NBPF15: variants seen among roughly 807,000 people sequenced by gnomAD.
NBPF15 encodes NBPF family member NBPF15.
A neutral mutation model predicts 62.2 loss-of-function variants in NBPF15; 74 were observed. The observed-to-expected ratio is 1.19, with a 90% CI of 0.99 to 1.44. The LOEUF is 1.44. Ranked by LOEUF, NBPF15 falls within the 40% of genes most tolerant of loss-of-function variation. NBPF15 has a pLI of 0.00. For missense variants in NBPF15, 790 were observed against 550.0 expected, an observed-to-expected ratio of 1.44 and a Z score of -4.36; for synonymous variants, 244 against 209.7, an observed-to-expected ratio of 1.16 and a Z score of -1.41.
chr1:144,430,103 G>A, intron 13 of NBPF15, among the ~76,000 whole-genome samples: 1 of 150,998 alleles, frequency 6.6e-6, no homozygotes, highest in Non-Finnish European at 1.5e-5. Context: ...GCCAACTCAG[G>A]GCACCCAGAC....
In NBPF15 at chr1:144,430,797, G is replaced by A. The variant is rs587732922; in HGVS notation, c.825-934C>T. ...TTCTCTGAGCTAAAGGAGGATGTGC[G>A]AACTCATCTCAAGGAAGCTAAAAAC... On this transcript the variant is annotated intron_variant, in intron 13 of 21. Transcript: ENST00000581897. Among the ~76,000 whole-genome samples, 161 of 145,396 alleles carry A rather than the reference G, an allele frequency of 1.1e-3. 1 individual carries two copies. The highest frequency in any genetic ancestry group is 4.0e-3 in the African/African-American group (152 of 37,870).
chr1:144,445,354 T>TACACAC (rs57409765), intron 6 of NBPF15, among the ~76,000 whole-genome samples: 5 of 104,478 alleles, frequency 4.8e-5, no homozygotes, highest in East Asian at 2.5e-4. Flanking sequence ...TATATATATA[T>TACACAC]ACACACACAC....
intron 13 of NBPF15, among the ~76,000 whole-genome samples, chr1:144,433,033 A>G (rs1368392987): frequency 5.9e-5 from 9 of 151,956 alleles, no homozygotes; most frequent in Admixed American, 3.3e-4. Context: ...CACTTATTCC[A>G]AAATTGACCA....
At chr1:144,461,333 G>A (rs1467919477) in intron 1 of NBPF15, 48 bp downstream of exon 1, 5 of 149,646 alleles carry the variant, frequency 3.3e-5, no homozygotes, top group Admixed American at 1.3e-4. Flanking sequence ...CAAAACTTGC[G>A]ACAGCCGCAG....
At chr1:144,438,803 C>A (rs1275469391) in intron 8 of NBPF15, among the ~76,000 whole-genome samples, 5 of 151,798 alleles carry the variant, frequency 3.3e-5, no homozygotes, top group South Asian at 2.1e-4. Context: ...ACAAGACAAG[C>A]AACTTGGATG....
intron 9 of NBPF15, 132 bp downstream of exon 9, chr1:144,437,813 T>C (rs1679667380): frequency 1.0e-6 from 1 of 963,286 alleles, no homozygotes; most frequent in Admixed American, 1.8e-5. Context: ...AATATTTGTG[T>C]GTAGCGAGCC....
intron 20 of NBPF15, 102 bp downstream of exon 20, chr1:144,424,588 C>T (rs1347056722): frequency 3.0e-6 from 2 of 656,400 alleles, no homozygotes; most frequent in South Asian, 1.9e-5. Flanking sequence ...CTCACTGCGG[C>T]AATGACATCT....
At chr1:144,423,398 T>C in intron 21 of NBPF15, 142 bp from the exon 22 acceptor site, 3 of 1,541,790 alleles carry the variant, frequency 1.9e-6, no homozygotes, top group Non-Finnish European at 2.6e-6. Flanking sequence ...AAAAAATTTA[T>C]TGCCTTTATG....
chr1:144,455,113 A>AAGGG (rs1301147506), intron 4 of NBPF15, among the ~76,000 whole-genome samples: 16 of 133,360 alleles, frequency 1.2e-4, no homozygotes, highest in South Asian at 5.4e-4. Context: ...GGAAGGAAGG[A>AAGGG]AGGGAGGGAG....
At chr1:144,425,059 G>GACACACAC (rs199782361) in intron 19 of NBPF15, among the ~76,000 whole-genome samples, 197 bp from the exon 20 acceptor site, 6 of 92,838 alleles carry the variant, frequency 6.5e-5, no homozygotes, top group Admixed American at 2.2e-4. Flanking sequence ...AAGACAGATA[G>GACACACAC]ACACACACAC....
In NBPF15 at chr1:144,442,124, TAC is replaced by T. The variant is rs1683432014; in HGVS notation, c.-190-1831_-190-1830del. On this transcript the variant is annotated intron_variant, in intron 6 of 21. Transcript: ENST00000581897. ...CGTGTATATATATATATAATATATATACACGTGTATATATATATATATAATAT... is the reference window on the plus strand; with the variant it reads ...CGTGTATATATATATATAATATATATACGTGTATATATATATATATAATAT... Among the ~76,000 whole-genome samples, 8 of 20,530 alleles carry T rather than the reference TAC, an allele frequency of 3.9e-4. No individual in the cohort carries two copies. In the Admixed American group the frequency reaches 7.2e-3, roughly 18 times the overall value. 13.5% of individuals were successfully genotyped at this position (20,530 alleles called of 152,430 possible).
chr1:144,436,227 G>A (rs1468239010), intron 10 of NBPF15, among the ~76,000 whole-genome samples: 4 of 151,968 alleles, frequency 2.6e-5, no homozygotes, highest in African/African-American at 7.2e-5. Flanking sequence ...CTTTCTCTTA[G>A]AAGCAGACAA....
intron 4 of NBPF15, among the ~76,000 whole-genome samples, chr1:144,456,231 T>G (rs868994189): frequency 2.1e-4 from 27 of 128,408 alleles, no homozygotes; most frequent in African/African-American, 4.4e-4. Context: ...GGGCAGAGAA[T>G]GGGGGGTAAG....
At chr1:144,444,314 G>T (rs1183277987) in intron 6 of NBPF15, among the ~76,000 whole-genome samples, 2 of 150,346 alleles carry the variant, frequency 1.3e-5, no homozygotes, top group Non-Finnish European at 3.0e-5. Context: ...AGGCTGGAAT[G>T]TAACAAAAGC....
At chr1:144,448,163 A>G (rs1571154401) in intron 6 of NBPF15, among the ~76,000 whole-genome samples, 2 of 152,076 alleles carry the variant, frequency 1.3e-5, no homozygotes, top group Admixed American at 6.6e-5. Flanking sequence ...CAGAAGGCAG[A>G]CCCATCCCTG....
rs1180196651 is a variant in NBPF15, at chr1:144,427,136, G to C, written c.1214-38C>G. 4.1e-5 allele frequency: 23 copies of C among 559,562 alleles called. 1 individual carries two copies. The highest frequency in any genetic ancestry group is 6.6e-5 in the Non-Finnish European group (21 of 319,202). The allele number at this position is 559,562 out of a possible 1,614,324, so 34.7% of individuals were successfully genotyped here. On this transcript the variant is annotated intron_variant, in intron 16 of 21. Transcript: ENST00000581897. ...CAGACATGGACAGACATATTAAGCT[G>C]GTTCTCCTACACACATAACAATCCA...
rs1331387991 is a variant in NBPF15 at position 144,461,414 on chromosome 1, G to A, written c.-971C>T. 1.3e-5 allele frequency: 2 copies of A among 151,882 alleles called. No individual in the cohort carries two copies. The highest frequency in any genetic ancestry group is 2.9e-5 in the Non-Finnish European group (2 of 68,004). The allele number at this position is 151,882 out of a possible 1,614,324, so 9.4% of individuals were successfully genotyped here. On this transcript the variant is annotated 5_prime_UTR_variant, in exon 1 of 22. Transcript: ENST00000581897. ...CGGCCTGGCGCGGCGCCTTCACCTC[G>A]GAAACGCTGGGTGGACTTCGCTGTA... is the stretch of plus-strand genomic sequence containing the variant.
chr1:144,441,535 C>T (rs1682932062), intron 6 of NBPF15, among the ~76,000 whole-genome samples: 1 of 149,600 alleles, frequency 6.7e-6, no homozygotes, highest in African/African-American at 2.5e-5. Flanking sequence ...TTTATACATA[C>T]ATATTTTTTG....
Position 144,444,810 on chromosome 1 carries a change from C to T in NBPF15, c.-191+3965G>A, listed in dbSNP as rs1247686011. Among the ~76,000 whole-genome samples the T allele has an allele frequency of 3.9e-5, 6 of 151,912 alleles. 1 individual carries two copies. The highest frequency in any genetic ancestry group is 4.1e-4 in the South Asian group (2 of 4,822). Reference sequence around the variant, plus strand: ...TCATCTGTGTCTTGTTACTGAGCCACGAGAAATAGCAGCCCGCCCCTCAGG... The same window carrying T: ...TCATCTGTGTCTTGTTACTGAGCCATGAGAAATAGCAGCCCGCCCCTCAGG... On this transcript the variant is annotated intron_variant, in intron 6 of 21. Coordinates refer to ENST00000581897, the MANE Select transcript of NBPF15 (RefSeq NM_001385408.1).
Sources: allele counts gnomAD v4.1 joint callset (sites outside exome capture counted in the v4.1 genomes callset), GRCh38; gene constraint gnomAD v4.1.1; transcripts MANE v1.5; gene names NCBI Gene and HGNC (gene_info 2026-07-23, HGNC 2026-07-21).